The following ANKS1B variants were observed in gnomAD, a reference collection of about 807,000 sequenced individuals.
ANKS1B encodes the protein ankyrin repeat and sterile alpha motif domain-containing protein 1B.
A neutral mutation model predicts 148.3 loss-of-function variants in ANKS1B; 36 were observed. That is an observed-to-expected ratio of 0.24 (90% CI 0.19 to 0.32). ANKS1B has a LOEUF of 0.32. Ranked by LOEUF, ANKS1B falls within the 10% of genes least tolerant of loss-of-function variation. The probability of loss-of-function intolerance (pLI) is 1.00; values close to 1 mark genes in which losing one functional copy is unlikely to be tolerated. For synonymous variants in ANKS1B, 542 were observed against 560.8 expected, an observed-to-expected ratio of 0.97 and a Z score of 0.47; for missense variants, 1,157 against 1,542.6, an observed-to-expected ratio of 0.75 and a Z score of 4.19.
exon 10 of ANKS1B, chr12:98,735,174 C>T (rs765914551): frequency 1.1e-4 from 43 of 398,688 alleles, no homozygotes; most frequent in East Asian, 8.5e-4. Flanking sequence ...TTCATGCAGT[C>T]GGTCAAGAGG....
At chr12:99,406,889 G>A (rs2152642379) in intron 11 of ANKS1B, among the ~76,000 whole-genome samples, 1 of 145,740 alleles carries the variant, frequency 6.9e-6, no homozygotes, top group East Asian at 1.9e-4. Context: ...GCAAGCAGTA[G>A]TCTCCCAGCA....
chr12:98,758,164 C>A (rs1273076905), intron 25 of ANKS1B, among the ~76,000 whole-genome samples: 2 of 152,086 alleles, frequency 1.3e-5, no homozygotes, highest in East Asian at 3.9e-4. Flanking sequence ...CTAAGTGCTT[C>A]AACATGGGCT....
At chr12:98,898,817 T>TA (rs2099768343) in intron 17 of ANKS1B, among the ~76,000 whole-genome samples, 1 of 152,190 alleles carries the variant, frequency 6.6e-6, no homozygotes, top group Admixed American at 6.5e-5. Context: ...AAAAAACTCT[T>TA]ATGGTACCAA....
chr12:99,708,469 G>C (rs1791323300), intron 8 of ANKS1B, among the ~76,000 whole-genome samples: 2 of 152,074 alleles, frequency 1.3e-5, no homozygotes, highest in Non-Finnish European at 2.9e-5. Flanking sequence ...GAAATAAAAA[G>C]TCAGTTTCAC....
chr12:99,150,461 C>T (rs77992698), intron 15 of ANKS1B, among the ~76,000 whole-genome samples: 6,479 of 152,070 alleles, frequency 0.043, 172 homozygotes, highest in Non-Finnish European at 0.061. Context: ...TTAAAGAAAG[C>T]TACCTAAACT....
chr12:99,470,012 A>T (rs1278054010), intron 10 of ANKS1B, among the ~76,000 whole-genome samples: 2 of 151,882 alleles, frequency 1.3e-5, no homozygotes, highest in Non-Finnish European at 2.9e-5. Context: ...CCAACTTCTC[A>T]GGAGACTGAG....
In ANKS1B at chr12:99,812,562, G is replaced by C. The variant is rs113329635; in HGVS notation, c.216-251C>G. Among the ~76,000 whole-genome samples the C allele has an allele frequency of 0.025, 1,071 of 43,116 alleles. 7 individuals carry two copies. Among genetic ancestry groups the C allele is most frequent in the African/African-American group, 0.085 (769 of 9,078 alleles). 28.3% of individuals were successfully genotyped at this position (43,116 alleles called of 152,430 possible). A position where few individuals can be genotyped will look rare whatever the true frequency, so the allele number is the denominator to read the frequency against. On this transcript the variant is annotated intron_variant, in intron 2 of 26. Coordinates refer to ENST00000683438, the MANE Select transcript of ANKS1B (RefSeq NM_001352186.2). The stretch of plus-strand genomic sequence containing the variant: ...ACACACACACACACACACACACAGA[G>C]AGAGAGAGAGAGAGAAAGAGAGCGA...
intron 16 of ANKS1B, among the ~76,000 whole-genome samples, chr12:99,053,893 G>C (rs1209739436): frequency 6.6e-6 from 1 of 152,188 alleles, no homozygotes; most frequent in East Asian, 1.9e-4. Context: ...CAGTATGTTA[G>C]ACATGAATAG....
At chr12:98,971,829 A>G (rs1243621508) in intron 17 of ANKS1B, among the ~76,000 whole-genome samples, 1 of 152,172 alleles carries the variant, frequency 6.6e-6, no homozygotes, top group Non-Finnish European at 1.5e-5. Context: ...AGGAGTGAAT[A>G]GTGGCTTAAC....
At chr12:98,796,889 AT>A (rs1411866703) in intron 22 of ANKS1B, among the ~76,000 whole-genome samples, 1 of 152,192 alleles carries the variant, frequency 6.6e-6, no homozygotes, top group Non-Finnish European at 1.5e-5. Context: ...TCAGGATGTA[AT>A]TTCAGATCCA....
At chr12:98,946,906 C>T (rs761020202) in intron 17 of ANKS1B, among the ~76,000 whole-genome samples, 1 of 129,998 alleles carries the variant, frequency 7.7e-6, no homozygotes, top group Non-Finnish European at 1.6e-5. Context: ...AGCCACTGCA[C>T]TCCAGCCTGG....
intron 9 of ANKS1B, among the ~76,000 whole-genome samples, chr12:99,578,838 G>GA (rs1235688466): frequency 3.3e-5 from 5 of 151,970 alleles, no homozygotes; most frequent in Admixed American, 3.3e-4. Context: ...CACAAAATTA[G>GA]AAAAAAATGA....
intron 12 of ANKS1B, among the ~76,000 whole-genome samples, chr12:99,297,798 T>C (rs2154017229): frequency 6.6e-6 from 1 of 152,322 alleles, no homozygotes; most frequent in East Asian, 1.9e-4. Context: ...CTGATTATTC[T>C]AAGAAGCACT....
intron 10 of ANKS1B, among the ~76,000 whole-genome samples, chr12:99,461,778 A>T (rs1417708591): frequency 2.0e-5 from 3 of 152,182 alleles, no homozygotes; most frequent in Non-Finnish European, 4.4e-5. Context: ...CTACTTACGT[A>T]ATCTTTGCTT....
intron 9 of ANKS1B, among the ~76,000 whole-genome samples, chr12:99,623,624 G>T (rs554346791): frequency 2.0e-5 from 3 of 151,868 alleles, no homozygotes; most frequent in African/African-American, 7.2e-5. Context: ...TCTTATCTGA[G>T]AGCCATATCA....
At chr12:98,987,138 CAT>C (rs1415226225) in intron 17 of ANKS1B, among the ~76,000 whole-genome samples, 4 of 151,576 alleles carry the variant, frequency 2.6e-5, no homozygotes, top group East Asian at 1.9e-4. Flanking sequence ...AATGGATACA[CAT>C]GTTTTTGTGT....
chr12:99,955,365 C>T (rs556238861), intron 1 of ANKS1B, among the ~76,000 whole-genome samples: 6 of 151,594 alleles, frequency 4.0e-5, no homozygotes, highest in African/African-American at 1.2e-4. Context: ...TGGTGGCGCG[C>T]GCCTGTAGTC....
intron 1 of ANKS1B, among the ~76,000 whole-genome samples, chr12:99,978,471 G>C (rs2095654664): frequency 6.6e-6 from 1 of 152,158 alleles, no homozygotes; most frequent in Non-Finnish European, 1.5e-5. Context: ...GAACATAATG[G>C]TGCAATCACC....
chr12:99,782,149 T>C, intron 4 of ANKS1B, 52 bp from the exon 5 acceptor site: 4 of 1,407,730 alleles, frequency 2.8e-6, no homozygotes, highest in Non-Finnish European at 3.9e-6. Context: ...TTGGAATGCT[T>C]ACAGGTTGAA....
Sources: allele counts gnomAD v4.1 joint callset (sites outside exome capture counted in the v4.1 genomes callset), GRCh38; gene constraint gnomAD v4.1.1; transcripts MANE v1.5; gene names NCBI Gene and HGNC (gene_info 2026-07-23, HGNC 2026-07-21).